The following GPT2 variants were observed in gnomAD, a reference collection of about 807,000 sequenced individuals.
GPT2 encodes the protein glutamic--pyruvic transaminase 2, also known as alanine aminotransferase 2.
Under a neutral mutation model 56.9 loss-of-function variants are expected in GPT2, and 30 were observed. The observed-to-expected ratio is 0.53, with a 90% CI of 0.39 to 0.72. The LOEUF is 0.72. Ranked by LOEUF, GPT2 falls within the 30% of genes least tolerant of loss-of-function variation. The probability of loss-of-function intolerance (pLI) is 0.00; values close to 1 mark genes in which losing one functional copy is unlikely to be tolerated. For missense variants in GPT2, 542 were observed against 703.4 expected, an observed-to-expected ratio of 0.77 and a Z score of 2.60; for synonymous variants, 271 against 283.1, an observed-to-expected ratio of 0.96 and a Z score of 0.43.
chr16:46,924,238 G>A (rs955737350), intron 9 of GPT2, 151 bp from the exon 10 acceptor site: 1 of 828,050 alleles, frequency 1.2e-6, no homozygotes. Flanking sequence ...GAGCAAATCT[G>A]AGTCAACGCA....
chr16:46,922,151 G>A (rs955668819), intron 8 of GPT2, 91 bp from the exon 9 acceptor site: 4 of 1,254,236 alleles, frequency 3.2e-6, no homozygotes, highest in African/African-American at 1.5e-5. Flanking sequence ...GGTGTTGGGT[G>A]TGGGAATGCT....
intron 4 of GPT2, among the ~76,000 whole-genome samples, chr16:46,905,031 G>A (rs1456377200): frequency 2.0e-5 from 3 of 151,760 alleles, no homozygotes; most frequent in Admixed American, 6.6e-5. Flanking sequence ...GAGAGGCTGA[G>A]GCAGAGCTAG....
Position 46,924,468 on chromosome 16 carries a change from A to T in GPT2, c.1292A>T (p.His431Leu). The change falls in exon 10 of 12, where the codon CAC becomes CTC. Residue 431 changes from histidine (H) to leucine (L), a missense_variant. Physicochemically the swap from His to Leu is moderately conservative, Grantham distance 99. Transcript: ENST00000340124. The stretch of plus-strand genomic sequence containing the variant: ...CTGTTTAACCAAGTCCCAGGAATTC[A>T]CTGCAACCCCTTGCAGGGGGCCATG... ...EDLFNQVPGIHCNPLQGAMYA... is the reference protein window; with the variant it reads ...EDLFNQVPGILCNPLQGAMYA... 1.2e-6 allele frequency: 2 copies of T among 1,614,224 alleles called. No homozygotes were observed. Among genetic ancestry groups the T allele is most frequent in the African/African-American group, 2.7e-5 (2 of 75,068 alleles).
intron 2 of GPT2, among the ~76,000 whole-genome samples, chr16:46,893,362 A>G (rs1596861542): frequency 6.6e-6 from 1 of 151,686 alleles, no homozygotes; most frequent in African/African-American, 2.4e-5. Flanking sequence ...CGATCTGCTG[A>G]CCTCGTGATC....
At chr16:46,922,667 C>T (rs766189318) in intron 9 of GPT2, among the ~76,000 whole-genome samples, 22 of 152,146 alleles carry the variant, frequency 1.4e-4, no homozygotes, top group Middle Eastern at 3.4e-3. Context: ...TTCCTCATGG[C>T]GAGTGTCGAA....
chr16:46,913,932 T>C (rs1961093287), intron 6 of GPT2, among the ~76,000 whole-genome samples: 1 of 152,006 alleles, frequency 6.6e-6, no homozygotes, highest in Admixed American at 6.6e-5. Context: ...AGCAAGACAC[T>C]GTAAAGAATA....
chr16:46,900,156 C>CT (rs1960788200), intron 3 of GPT2, among the ~76,000 whole-genome samples: 3 of 151,868 alleles, frequency 2.0e-5, no homozygotes, highest in Admixed American at 1.3e-4. Flanking sequence ...GCTTAATCCT[C>CT]TTAATTTGTG....
chr16:46,929,087 G>C lies in GPT2; in HGVS notation c.*90G>C. ...CTCGCCTCCCCCGTGACTCTGCCTCGGGCCTCGCAGAGGCCGCTGGTCACT... is the reference window on the plus strand; with the variant it reads ...CTCGCCTCCCCCGTGACTCTGCCTCCGGCCTCGCAGAGGCCGCTGGTCACT... On this transcript the variant is annotated 3_prime_UTR_variant, in exon 12 of 12. Coordinates refer to ENST00000340124, the MANE Select transcript of GPT2 (RefSeq NM_133443.4). The C allele has an allele frequency of 1.0e-6, 1 of 992,154 alleles. No individual in the cohort carries two copies. Among genetic ancestry groups the C allele is most frequent in the Admixed American group, 1.9e-5 (1 of 53,952 alleles). 61.5% of individuals were successfully genotyped at this position (992,154 alleles called of 1,614,324 possible).
chr16:46,922,639 G>T (rs1961315032), intron 9 of GPT2, among the ~76,000 whole-genome samples: 2 of 152,204 alleles, frequency 1.3e-5, no homozygotes, highest in Non-Finnish European at 2.9e-5. Flanking sequence ...GTGTGTGTGG[G>T]CAGGTGAACC....
Position 46,924,556 on chromosome 16 carries a change from G to A in GPT2, c.1368+12G>A. ...TGGAGGCTGCTCAGGTCTGGGGCAT[G>A]GGCTGGGCTGGCTCTCTCTTACCAG... On this transcript the variant is annotated intron_variant, in intron 10 of 11. Transcript: ENST00000340124. 1 of 1,613,188 alleles carries A rather than the reference G, an allele frequency of 6.2e-7. No homozygotes were observed. Among genetic ancestry groups the A allele is most frequent in the Non-Finnish European group, 8.5e-7 (1 of 1,179,278 alleles).
intron 9 of GPT2, chr16:46,924,184 C>T: frequency 1.5e-6 from 1 of 650,130 alleles, no homozygotes; most frequent in Non-Finnish European, 2.8e-6. Context: ...GACCACCCCA[C>T]CCACTCCGTC....
In GPT2 at chr16:46,922,385, C is replaced by T; in HGVS notation, c.1181C>T (p.Ala394Val). The part of the protein sequence containing the change: ...AMDIVVNPPV[A>V]GEESFEQFSR... Reference sequence around the variant, plus strand: ...GACATTGTCGTGAACCCCCCGGTGGCAGGAGAGGAGTCCTTTGAGCAATTC... The same window carrying T: ...GACATTGTCGTGAACCCCCCGGTGGTAGGAGAGGAGTCCTTTGAGCAATTC... Residue 394 changes from alanine to valine, a missense_variant, in exon 9 of 12, where the codon GCA (alanine) becomes GTA (valine). Coordinates refer to ENST00000340124, the MANE Select transcript of GPT2 (RefSeq NM_133443.4). 6.2e-7 allele frequency: 1 copy of T among 1,613,356 alleles called. No individual in the cohort carries two copies. The highest frequency in any genetic ancestry group is 8.5e-7 in the Non-Finnish European group (1 of 1,179,804).
intron 10 of GPT2, among the ~76,000 whole-genome samples, chr16:46,926,684 C>T (rs1443022415): frequency 1.3e-5 from 2 of 152,128 alleles, no homozygotes; most frequent in East Asian, 1.9e-4. Context: ...GGGCACTGCC[C>T]GATGACGGGC....
intron 6 of GPT2, chr16:46,915,875 CACACT>C (rs1961146790): frequency 1.3e-5 from 2 of 150,342 alleles, no homozygotes; most frequent in African/African-American, 2.5e-5. Context: ...CACCCCACAC[CACACT>C]ACAACTACAC....
chr16:46,898,998 C>CAT (rs61197632), intron 3 of GPT2, among the ~76,000 whole-genome samples: 25 of 124,422 alleles, frequency 2.0e-4, no homozygotes, highest in African/African-American at 7.6e-4. Flanking sequence ...ATATAACACA[C>CAT]ATATATATAT....
intron 6 of GPT2, among the ~76,000 whole-genome samples, chr16:46,915,008 C>A (rs1335469350): frequency 6.6e-6 from 1 of 152,116 alleles, no homozygotes; most frequent in Non-Finnish European, 1.5e-5. Flanking sequence ...GCCTCAAACT[C>A]CTGAGCTCAA....
chr16:46,911,820 C>T (rs1435579444), intron 6 of GPT2, among the ~76,000 whole-genome samples: 1 of 152,204 alleles, frequency 6.6e-6, no homozygotes, highest in Non-Finnish European at 1.5e-5. Flanking sequence ...TTGGGAAAGA[C>T]ACTGTACCTA....
chr16:46,927,054 G>A lies in GPT2; in HGVS notation c.1481+17G>A, dbSNP rs754180912. On this transcript the variant is annotated intron_variant, in intron 11 of 11. Coordinates refer to ENST00000340124, the MANE Select transcript of GPT2 (RefSeq NM_133443.4). The stretch of plus-strand genomic sequence containing the variant: ...CCACTTCAGGTATGACTTCCTCTCC[G>A]CACTAGGGGCTGGTCCGGGTCTTGT... 1.6e-5 allele frequency: 24 copies of A among 1,486,326 alleles called. No homozygotes were observed. The highest frequency in any genetic ancestry group is 6.2e-5 in the South Asian group (5 of 81,286). The allele number at this position is 1,486,326 out of a possible 1,614,324, so 92.1% of individuals were successfully genotyped here.
chr16:46,926,825 G>A (rs1596637277), intron 10 of GPT2, 100 bp from the exon 11 acceptor site: 7 of 710,446 alleles, frequency 9.9e-6, no homozygotes, highest in South Asian at 7.5e-5. Context: ...GGGCACTGCC[G>A]TGGGAGAGAG....
Sources: gnomAD v4.1 joint callset for allele counts (sites outside exome capture counted in the v4.1 genomes callset) on GRCh38, gnomAD v4.1.1 for gene constraint, MANE v1.5 for transcripts, NCBI Gene and HGNC (gene_info 2026-07-23, HGNC 2026-07-21) for gene names.